The following BCAS3 variants were observed in gnomAD, a reference collection of about 807,000 sequenced individuals.
BCAS3 encodes BCAS3 microtubule associated cell migration factor, also known as BCAS4/BCAS3 fusion.
Under a neutral mutation model 116.1 loss-of-function variants are expected in BCAS3, and 53 were observed. The observed-to-expected ratio is 0.46, with a 90% CI of 0.37 to 0.57. The LOEUF is 0.57. Ranked by LOEUF, BCAS3 falls within the 20% of genes least tolerant of loss-of-function variation. The pLI is 0.00. For synonymous variants in BCAS3, 391 were observed against 408.2 expected, an observed-to-expected ratio of 0.96 and a Z score of 0.51; for missense variants, 917 against 1,165.4, an observed-to-expected ratio of 0.79 and a Z score of 3.10.
intron 8 of BCAS3, among the ~76,000 whole-genome samples, chr17:60,871,426 G>A (rs2144900026): frequency 6.6e-6 from 1 of 152,214 alleles, no homozygotes; most frequent in South Asian, 2.1e-4. Flanking sequence ...GCCTTGGGCT[G>A]GGATTAGAGG....
rs1433186682 is a variant in BCAS3 at position 61,339,043 on chromosome 17, AT to A, written c.2426-29282del. 6.6e-6 allele frequency among the ~76,000 whole-genome samples: 1 copy of A among 151,782 alleles called. No individual in the cohort carries two copies. The stretch of plus-strand genomic sequence containing the variant: ...CATCTTGGTTTTGGGAAAAAAAAAA[AT>A]TCACAAAGACCCATCTGCCTCTCCC... On this transcript the variant is annotated intron_variant, in intron 22 of 23. Transcript: ENST00000407086. This position sits in a 1 kb window ranked among gnomAD's most constrained non-coding sequence, Gnocchi z 4.4.
intron 5 of BCAS3, among the ~76,000 whole-genome samples, chr17:60,733,459 T>C (rs2040662439): frequency 6.6e-6 from 1 of 152,210 alleles, no homozygotes; most frequent in Non-Finnish European, 1.5e-5. Context: ...ACATGAAAGA[T>C]ATTTTTGACA....
At chr17:60,770,834 GTTTTTTTTTT>G (rs60854011) in intron 6 of BCAS3, among the ~76,000 whole-genome samples, 13 of 76,724 alleles carry the variant, frequency 1.7e-4, no homozygotes, top group East Asian at 1.5e-3. Context: ...ACTGAAATTT[GTTTTTTTTTT>G]TTTTTTTTTT....
chr17:60,952,615 T>C (rs1286193934), intron 14 of BCAS3, among the ~76,000 whole-genome samples: 1 of 152,192 alleles, frequency 6.6e-6, no homozygotes, highest in Non-Finnish European at 1.5e-5. Flanking sequence ...CCACCGTGCC[T>C]GGCCTAAACT....
chr17:60,845,423 A>G (rs909533529), intron 7 of BCAS3, among the ~76,000 whole-genome samples: 3 of 152,214 alleles, frequency 2.0e-5, no homozygotes, highest in South Asian at 2.1e-4. Context: ...TTAAGTTGTA[A>G]TGTTTGAGTG....
intron 5 of BCAS3, among the ~76,000 whole-genome samples, chr17:60,742,890 G>A (rs1015196511): frequency 5.3e-5 from 8 of 151,866 alleles, no homozygotes; most frequent in African/African-American, 1.9e-4. Context: ...GAGGTGGGCA[G>A]ATCATGAGGT....
chr17:60,990,117 C>T lies in BCAS3; in HGVS notation c.1368C>T (p.Ser456=), dbSNP rs1231484928. ...HMSPRVVNRM[S]RFQKSAGLEE... The stretch of plus-strand genomic sequence containing the variant: ...CACCACGAGTAGTGAATCGCATGAG[C>T]CGTTTCCAGAAAAGTGCTGGACTGG... Residue 456 remains serine (S), a synonymous_variant, in exon 15 of 24, where the codon AGC becomes AGT. Transcript: ENST00000407086. This position sits in a 1 kb window ranked among gnomAD's most constrained non-coding sequence, Gnocchi z 5.1. 5.6e-6 allele frequency: 9 copies of T among 1,614,016 alleles called. No individual in the cohort carries two copies. In the African/African-American group the frequency reaches 9.3e-5, roughly 17 times the overall value.
chr17:60,689,958 C>G (rs2034593934), intron 4 of BCAS3, among the ~76,000 whole-genome samples, 197 bp downstream of exon 4: 2 of 152,270 alleles, frequency 1.3e-5, no homozygotes, highest in South Asian at 4.1e-4. Flanking sequence ...GTAACTATAA[C>G]ACAGTGTGTA....
chr17:61,328,027 A>G lies in BCAS3; in HGVS notation c.2426-40300A>G, dbSNP rs191089848. On this transcript the variant is annotated intron_variant, in intron 22 of 23. Coordinates refer to ENST00000407086, the MANE Select transcript of BCAS3 (RefSeq NM_017679.5). ...AATTTATTCCACAAAAATATAGGTA[A>G]AATTATTAAGGTATAGACAAAAGCA... Among the ~76,000 whole-genome samples the G allele has an allele frequency of 3.0e-3, 457 of 152,322 alleles. 1 individual carries two copies. Among genetic ancestry groups the G allele is most frequent in the African/African-American group, 0.01 (432 of 41,566 alleles).
Position 61,220,819 on chromosome 17 carries a change from G to A in BCAS3, c.2425+136255G>A, listed in dbSNP as rs1296967347. 6.7e-6 allele frequency among the ~76,000 whole-genome samples: 1 copy of A among 148,250 alleles called. No homozygotes were observed. The highest frequency in any genetic ancestry group is 1.5e-5 in the Non-Finnish European group (1 of 66,560). On this transcript the variant is annotated intron_variant, in intron 22 of 23. Transcript: ENST00000407086. The surrounding 1 kb of genome is among the most constrained non-coding windows in gnomAD (Gnocchi z 4.5). The stretch of plus-strand genomic sequence containing the variant: ...GTGTTCCACCTAGAAAGTGTAGTTC[G>A]GCTGGGCGCGGTGGCTCACGCCTGT...
At chr17:60,753,362 T>G (rs2042664625) in intron 6 of BCAS3, among the ~76,000 whole-genome samples, 1 of 150,424 alleles carries the variant, frequency 6.6e-6, no homozygotes, top group Admixed American at 6.7e-5. Context: ...AAAATTTTAT[T>G]TTGTTGTTAT....
intron 19 of BCAS3, among the ~76,000 whole-genome samples, chr17:61,053,787 T>C (rs1324517357): frequency 2.0e-5 from 3 of 152,226 alleles, no homozygotes; most frequent in Admixed American, 2.0e-4. Context: ...TCCATTGTTG[T>C]CCATAGGGTG....
chr17:61,304,654 C>T (rs565313411), intron 22 of BCAS3, among the ~76,000 whole-genome samples: 2 of 152,290 alleles, frequency 1.3e-5, no homozygotes, highest in Admixed American at 1.3e-4. Context: ...TCTGTACACA[C>T]CTCAATGTCC....
At chr17:61,359,447 C>CA (rs1305643641) in intron 22 of BCAS3, among the ~76,000 whole-genome samples, 1 of 136,298 alleles carries the variant, frequency 7.3e-6, no homozygotes, top group African/African-American at 2.7e-5. Context: ...ATCAAGGAAA[C>CA]AATAGAAAAA....
In BCAS3 at chr17:61,301,481, CA is replaced by C. The variant is rs578250503; in HGVS notation, c.2426-66840del. 3.5e-3 allele frequency among the ~76,000 whole-genome samples: 525 copies of C among 152,076 alleles called. 4 individuals are homozygous for C. The highest frequency in any genetic ancestry group is 0.012 in the African/African-American group (483 of 41,502). ...ACCCCATCTCTGCTGGAAAAAAATA[CA>C]AAAAATTAGCTGGGCGTGGTGGCAG... is the stretch of plus-strand genomic sequence containing the variant. On this transcript the variant is annotated intron_variant, in intron 22 of 23. Transcript: ENST00000407086.
rs1292330578 is a variant in BCAS3 at position 61,232,315 on chromosome 17, T to G, written c.2426-136012T>G. On this transcript the variant is annotated intron_variant, in intron 22 of 23. Transcript: ENST00000407086. The stretch of plus-strand genomic sequence containing the variant: ...GTAGTGTGCTTTGTTTCCCAGATAA[T>G]TTAGAAGCAATTAATTCTGGATAGA... Among the ~76,000 whole-genome samples, 2 of 151,784 alleles carry G rather than the reference T, an allele frequency of 1.3e-5. 1 individual carries two copies. The highest frequency in any genetic ancestry group is 1.3e-4 in the Admixed American group (2 of 15,236).
intron 22 of BCAS3, among the ~76,000 whole-genome samples, chr17:61,202,172 C>G (rs1377131401): frequency 5.4e-5 from 7 of 129,944 alleles, no homozygotes; most frequent in African/African-American, 2.0e-4. Context: ...GAGTCTCGCT[C>G]TGTCTCCCAG....
intron 22 of BCAS3, among the ~76,000 whole-genome samples, chr17:61,310,633 A>G (rs994895182): frequency 1.3e-5 from 2 of 152,138 alleles, no homozygotes; most frequent in Admixed American, 6.5e-5. Flanking sequence ...TCGCCCAGAA[A>G]CTAATCTGTC....
At chr17:61,121,761 T>C (rs2075800984) in intron 22 of BCAS3, among the ~76,000 whole-genome samples, 1 of 152,208 alleles carries the variant, frequency 6.6e-6, no homozygotes, top group Non-Finnish European at 1.5e-5. Context: ...GACGGAGTCT[T>C]GCCGTGTCAC....
Sources: gnomAD v4.1 joint callset for allele counts (sites outside exome capture counted in the v4.1 genomes callset) on GRCh38, gnomAD v4.1.1 for gene constraint, Gnocchi (gnomAD v3.1) non-coding constraint, MANE v1.5 for transcripts, NCBI Gene and HGNC (gene_info 2026-07-23, HGNC 2026-07-21) for gene names.